Variants in CADM2 observed in about 807,000 individuals in gnomAD.
The protein encoded by CADM2 is cell adhesion molecule 2.
A neutral mutation model predicts 49.8 loss-of-function variants in CADM2; 12 were observed. The ratio of observed to expected loss-of-function variants is 0.24; its 90% CI spans 0.15 to 0.39. CADM2 has a LOEUF of 0.39. Ranked by LOEUF, CADM2 falls within the 10% of genes least tolerant of loss-of-function variation. CADM2 has a pLI of 1.00. For missense variants in CADM2, 378 were observed against 492.3 expected (o/e 0.77, Z 2.20); for synonymous variants, 214 against 175.4 (o/e 1.22, Z -1.74).
At chr3:85,861,099 G>T (rs925429195) in intron 3 of CADM2, among the ~76,000 whole-genome samples, 6 of 152,144 alleles carry the variant, frequency 3.9e-5, no homozygotes, top group African/African-American at 1.4e-4. Context: ...GTCATTGAAA[G>T]TGTCTGAGCA....
Position 85,097,886 on chromosome 3 carries a change from C to A in CADM2, c.61+138218C>A, listed in dbSNP as rs111359467. On this transcript the variant is annotated intron_variant, in intron 1 of 9. Transcript: ENST00000383699. ...AGTAGTCCTCAGTTTTACTTTCCGTCAGAATCAGGTGGTGTGCTTGTTTAA... is the reference window on the plus strand; with the variant it reads ...AGTAGTCCTCAGTTTTACTTTCCGTAAGAATCAGGTGGTGTGCTTGTTTAA... 4.3e-3 allele frequency among the ~76,000 whole-genome samples: 656 copies of A among 152,272 alleles called. 3 individuals are homozygous for A. Among genetic ancestry groups the A allele is most frequent in the African/African-American group, 0.014 (582 of 41,568 alleles).
At chr3:85,976,280 G>A (rs542984235) in intron 8 of CADM2, among the ~76,000 whole-genome samples, 2 of 151,556 alleles carry the variant, frequency 1.3e-5, no homozygotes, top group African/African-American at 4.8e-5. Flanking sequence ...AGGATTCCAG[G>A]CAGAGCTCTT....
chr3:85,013,643 A>T (rs929236394), intron 1 of CADM2, among the ~76,000 whole-genome samples: 11 of 151,380 alleles, frequency 7.3e-5, no homozygotes, highest in Admixed American at 1.3e-4. Context: ...TTCATTATAA[A>T]TATGGTTAAT....
At chr3:86,013,566 G>T (rs1731817872) in intron 8 of CADM2, 1 of 1,602,820 alleles carries the variant, frequency 6.2e-7, no homozygotes, top group African/African-American at 1.3e-5. Context: ...AGAGATCTGT[G>T]AGAGCTGTAT....
intron 1 of CADM2, among the ~76,000 whole-genome samples, chr3:85,477,807 C>A (rs2039041566): frequency 6.6e-6 from 1 of 151,706 alleles, no homozygotes; most frequent in South Asian, 2.1e-4. Context: ...ATATTCTGAC[C>A]CCTGAATAAT....
intron 5 of CADM2, 140 bp downstream of exon 5, chr3:85,886,467 T>C (rs1384137991): frequency 1.2e-5 from 7 of 594,886 alleles, no homozygotes; most frequent in Non-Finnish European, 2.0e-5. Context: ...TTACCCATTC[T>C]TAAGTAAGGT....
intron 1 of CADM2, among the ~76,000 whole-genome samples, chr3:85,194,030 G>T (rs1319835436): frequency 6.6e-6 from 1 of 152,104 alleles, no homozygotes; most frequent in South Asian, 2.1e-4. Context: ...GTATAACAGG[G>T]ATTTTACCCA....
intron 8 of CADM2, among the ~76,000 whole-genome samples, chr3:86,020,720 G>A (rs548538214): frequency 4.6e-5 from 7 of 152,200 alleles, no homozygotes; most frequent in African/African-American, 1.7e-4. Context: ...CATATAAACA[G>A]AGCCAAAGAC....
chr3:85,029,835 T>C (rs941093240), intron 1 of CADM2, among the ~76,000 whole-genome samples: 36 of 152,332 alleles, frequency 2.4e-4, no homozygotes, highest in East Asian at 1.9e-3. Context: ...GTGACACTTC[T>C]TCTCATAAAA....
chr3:85,922,012 G>A (rs1398846566), intron 6 of CADM2, among the ~76,000 whole-genome samples: 1 of 152,088 alleles, frequency 6.6e-6, no homozygotes, highest in Non-Finnish European at 1.5e-5. Flanking sequence ...TTTGAGTACT[G>A]TAGTTTGATA....
At chr3:85,110,609 A>G (rs1382372698) in intron 1 of CADM2, among the ~76,000 whole-genome samples, 1 of 151,928 alleles carries the variant, frequency 6.6e-6, no homozygotes, top group Non-Finnish European at 1.5e-5. Context: ...AGTAGGTGGC[A>G]CTGTTGGACT....
At chr3:85,996,282 T>C (rs1305870282) in intron 8 of CADM2, among the ~76,000 whole-genome samples, 1 of 146,596 alleles carries the variant, frequency 6.8e-6, no homozygotes, top group East Asian at 2.1e-4. Flanking sequence ...CTTCCATTTT[T>C]TCATTTACTT....
At chr3:85,663,504 G>A (rs2065473321) in intron 1 of CADM2, among the ~76,000 whole-genome samples, 1 of 151,972 alleles carries the variant, frequency 6.6e-6, no homozygotes, top group South Asian at 2.1e-4. Context: ...AGGTTGCACA[G>A]CATGCCACCA....
At chr3:85,826,857 C>T (rs185985562) in intron 3 of CADM2, among the ~76,000 whole-genome samples, 96 of 152,008 alleles carry the variant, frequency 6.3e-4, no homozygotes, top group African/African-American at 2.3e-3. Context: ...AATCGGGCCT[C>T]TACTTGAAAA....
At chr3:85,511,816 C>A (rs1241505068) in intron 1 of CADM2, 10 of 912,030 alleles carry the variant, frequency 1.1e-5, no homozygotes, top group Non-Finnish European at 1.2e-5. Flanking sequence ...AAATAATATC[C>A]CTTTGAAACT....
chr3:85,183,251 C>A (rs2107708479), intron 1 of CADM2, among the ~76,000 whole-genome samples: 1 of 152,158 alleles, frequency 6.6e-6, no homozygotes, highest in Admixed American at 6.6e-5. Flanking sequence ...GTTTTATTTT[C>A]CACAAAAATT....
chr3:85,927,392 T>A (rs2108517762), intron 6 of CADM2, among the ~76,000 whole-genome samples: 1 of 152,256 alleles, frequency 6.6e-6, no homozygotes, highest in Non-Finnish European at 1.5e-5. Flanking sequence ...TTAAGACTAA[T>A]ACCTGATCTT....
At chr3:85,223,992 C>A (rs772161823) in intron 1 of CADM2, among the ~76,000 whole-genome samples, 1 of 152,140 alleles carries the variant, frequency 6.6e-6, no homozygotes, top group African/African-American at 2.4e-5. Context: ...TTTACTTTAT[C>A]CAGTCTATCA....
intron 1 of CADM2, among the ~76,000 whole-genome samples, chr3:85,411,740 G>T (rs2035667151): frequency 6.6e-6 from 1 of 152,212 alleles, no homozygotes; most frequent in South Asian, 2.1e-4. Context: ...CCTTACGAAA[G>T]ACAGAGTTGA....
Sources: allele counts gnomAD v4.1 joint callset (sites outside exome capture counted in the v4.1 genomes callset), GRCh38; gene constraint gnomAD v4.1.1; transcripts MANE v1.5; gene names NCBI Gene and HGNC (gene_info 2026-07-23, HGNC 2026-07-21).